The following LRTM3 variants were observed in gnomAD, a reference collection of about 807,000 sequenced individuals.
LRTM3 encodes leucine-rich repeat transmembrane protein 3.
At chr13:102,740,956 T>C in the LRTM3 span, 16 of 1,550,222 alleles carry the variant, frequency 1.0e-5, no homozygotes, top group African/African-American at 1.2e-4. Context: ...TATTCAAATG[T>C]ATTCCTTCTG....
chr13:102,742,531 T>C, the LRTM3 span: 1 of 1,550,602 alleles, frequency 6.4e-7, no homozygotes, highest in East Asian at 2.4e-5. Context: ...AAAAAACAGA[T>C]TCTGGATTAA....
At chr13:102,747,997 T>C in the LRTM3 span, 8 of 1,550,960 alleles carry the variant, frequency 5.2e-6, no homozygotes, top group East Asian at 2.0e-4. Flanking sequence ...GCTTTTTAAA[T>C]GTACAGCTCT....
chr13:102,755,956 T>TAC, the LRTM3 span, among the ~76,000 whole-genome samples: 10 of 81,440 alleles, frequency 1.2e-4, no homozygotes, highest in Admixed American at 9.2e-4. Flanking sequence ...TATATATATA[T>TAC]ATATATTTTT....
the LRTM3 span, chr13:102,735,767 T>C: frequency 6.5e-7 from 1 of 1,545,184 alleles, no homozygotes; most frequent in Non-Finnish European, 8.7e-7. Context: ...ATCCTGAATC[T>C]TTAGTGGTGG....
At chr13:102,729,410 C>T in the LRTM3 span, 5 of 1,366,862 alleles carry the variant, frequency 3.7e-6, no homozygotes, top group East Asian at 2.6e-5. Flanking sequence ...ATCACAATAG[C>T]GACCAGCTGT....
At chr13:102,737,732 C>T in the LRTM3 span, 1 of 1,550,814 alleles carries the variant, frequency 6.4e-7, no homozygotes, top group East Asian at 2.5e-5. Flanking sequence ...TGCGCTATCA[C>T]CCTCACTGGG....
chr13:102,745,003 A>G, the LRTM3 span: 4 of 1,550,738 alleles, frequency 2.6e-6, no homozygotes, highest in South Asian at 3.6e-5. Flanking sequence ...TTAGAGGAAG[A>G]AGTTTTGAAT....
the LRTM3 span, chr13:102,742,261 T>G: frequency 1.3e-6 from 2 of 1,550,492 alleles, no homozygotes; most frequent in Non-Finnish European, 1.7e-6. Context: ...GCTGGGAAAC[T>G]GTTATTCTTT....
chr13:102,745,239 G>A, the LRTM3 span: 9 of 1,550,838 alleles, frequency 5.8e-6, no homozygotes, highest in East Asian at 4.9e-5. Flanking sequence ...AATGCCTCCT[G>A]TTTCCTTTCT....
the LRTM3 span, chr13:102,738,892 T>G: frequency 2.6e-6 from 4 of 1,550,606 alleles, no homozygotes; most frequent in African/African-American, 4.1e-5. Flanking sequence ...CCAAAGCTAT[T>G]CTTTTGGAAT....
At chr13:102,738,923 T>G in the LRTM3 span, 56 of 1,550,520 alleles carry the variant, frequency 3.6e-5, no homozygotes, top group Non-Finnish European at 4.4e-5. Context: ...TTCCAAAGCC[T>G]TTTCCACTCT....
chr13:102,743,725 A>T, the LRTM3 span: 3 of 1,549,960 alleles, frequency 1.9e-6, no homozygotes, highest in African/African-American at 4.1e-5. Context: ...AATAGGATTT[A>T]CATTTCTTCC....
At chr13:102,758,129 A>G in the LRTM3 span, among the ~76,000 whole-genome samples, 12 of 152,304 alleles carry the variant, frequency 7.9e-5, no homozygotes, top group African/African-American at 2.9e-4. Flanking sequence ...TGTGTTGGAG[A>G]GAGAGTTAGA....
At chr13:102,747,520 A>C in the LRTM3 span, 1 of 1,550,898 alleles carries the variant, frequency 6.4e-7, no homozygotes. Flanking sequence ...GCAAGTGGTT[A>C]TTGAAAGACC....
chr13:102,734,788 G>T, the LRTM3 span: 14 of 1,550,852 alleles, frequency 9.0e-6, no homozygotes, highest in Non-Finnish European at 1.2e-5. Flanking sequence ...AAGTAGATTT[G>T]GTCAGAACCA....
At chr13:102,744,811 C>A in the LRTM3 span, 1 of 1,550,690 alleles carries the variant, frequency 6.4e-7, no homozygotes, top group Non-Finnish European at 8.7e-7. Flanking sequence ...AATTGGCCTT[C>A]TGTGCCTCCC....
chr13:102,749,007 TCA>T, the LRTM3 span: 1 of 1,550,910 alleles, frequency 6.4e-7, no homozygotes, highest in Middle Eastern at 1.7e-4. Flanking sequence ...GGCATGACTT[TCA>T]CTAGTTGTTT....
chr13:102,739,354 A>G, the LRTM3 span: 3 of 1,549,558 alleles, frequency 1.9e-6, no homozygotes, highest in South Asian at 1.2e-5. Context: ...ATTCTATTAC[A>G]TTACTTAAAC....
the LRTM3 span, chr13:102,746,518 A>C: frequency 1.3e-6 from 2 of 1,551,098 alleles, no homozygotes; most frequent in Non-Finnish European, 1.7e-6. Context: ...ACTTAGTCTT[A>C]AAGTCTAATT....
Sources: gnomAD v4.1 joint callset for allele counts (sites outside exome capture counted in the v4.1 genomes callset) on GRCh38, gnomAD v4.1.1 for gene constraint, MANE v1.5 for transcripts, NCBI Gene and HGNC (gene_info 2026-07-23, HGNC 2026-07-21) for gene names.